Variants in SLC67A2 observed in about 807,000 individuals in gnomAD.
SLC67A2 encodes the protein solute carrier family 67 member 2.
the SLC67A2 span, among the ~76,000 whole-genome samples, chr2:102,721,619 T>C: frequency 2.6e-5 from 4 of 152,086 alleles, no homozygotes; most frequent in East Asian, 7.7e-4. Flanking sequence ...AGAAAGACAT[T>C]TTAAGCAACC....
At chr2:102,736,413 C>T in the SLC67A2 span, 1 of 1,159,240 alleles carries the variant, frequency 8.6e-7, no homozygotes, top group Non-Finnish European at 1.2e-6. Flanking sequence ...GAAGGGAAGA[C>T]GTTCCGCGAA....
the SLC67A2 span, among the ~76,000 whole-genome samples, chr2:102,728,753 C>T: frequency 1.3e-5 from 2 of 152,182 alleles, no homozygotes; most frequent in African/African-American, 2.4e-5. Context: ...CCACCATGAC[C>T]TCGGACATAT....
chr2:102,718,689 A>C, the SLC67A2 span: 11 of 1,614,030 alleles, frequency 6.8e-6, no homozygotes, highest in Non-Finnish European at 9.3e-6. Context: ...GCAGTGGAGA[A>C]GGACAGGAGA....
chr2:102,715,348 T>A, the SLC67A2 span, among the ~76,000 whole-genome samples: 481 of 152,226 alleles, frequency 3.2e-3, 6 homozygotes, highest in African/African-American at 0.011. Flanking sequence ...CACAGAAACA[T>A]CTGTGGTGCT....
the SLC67A2 span, among the ~76,000 whole-genome samples, chr2:102,721,456 A>C: frequency 6.6e-6 from 1 of 152,246 alleles, no homozygotes; most frequent in Non-Finnish European, 1.5e-5. Flanking sequence ...TAAGGAAATC[A>C]TCATGCAAAA....
At chr2:102,723,998 G>A in the SLC67A2 span, 3 of 1,097,562 alleles carry the variant, frequency 2.7e-6, no homozygotes, top group Non-Finnish European at 2.8e-6. Flanking sequence ...TATCCCTGAT[G>A]GAGTTCTGAT....
At chr2:102,728,871 G>A in the SLC67A2 span, among the ~76,000 whole-genome samples, 1 of 152,030 alleles carries the variant, frequency 6.6e-6, no homozygotes, top group East Asian at 1.9e-4. Flanking sequence ...AATATAAAAT[G>A]AGTCATTAAA....
the SLC67A2 span, chr2:102,718,627 C>T: frequency 6.2e-7 from 1 of 1,613,782 alleles, no homozygotes; most frequent in Admixed American, 1.7e-5. Flanking sequence ...TGCCGCTGGC[C>T]TGGGCCCCGC....
At chr2:102,735,377 T>C in the SLC67A2 span, among the ~76,000 whole-genome samples, 8 of 152,216 alleles carry the variant, frequency 5.3e-5, no homozygotes, top group Admixed American at 4.6e-4. Flanking sequence ...TGCTACCAAC[T>C]GAACGCCTTG....
chr2:102,735,479 G>T, the SLC67A2 span, among the ~76,000 whole-genome samples: 2 of 152,156 alleles, frequency 1.3e-5, no homozygotes, highest in Non-Finnish European at 2.9e-5. Context: ...CCCTGCCAGG[G>T]CCCAGTGCCA....
chr2:102,719,261 A>G, the SLC67A2 span: 1 of 1,535,004 alleles, frequency 6.5e-7, no homozygotes, highest in Non-Finnish European at 8.8e-7. Flanking sequence ...GAATCCATAC[A>G]CTACCTCCTT....
the SLC67A2 span, chr2:102,730,988 A>G: frequency 1.3e-6 from 2 of 1,594,978 alleles, no homozygotes; most frequent in Admixed American, 1.7e-5. Flanking sequence ...CAATTTTACT[A>G]CATCTGTGAT....
the SLC67A2 span, among the ~76,000 whole-genome samples, chr2:102,722,869 A>G: frequency 6.6e-6 from 1 of 152,240 alleles, no homozygotes; most frequent in African/African-American, 2.4e-5. Flanking sequence ...TAACCTGCAC[A>G]GTGGATACGA....
the SLC67A2 span, among the ~76,000 whole-genome samples, chr2:102,735,769 C>T: frequency 6.6e-6 from 1 of 152,008 alleles, no homozygotes; most frequent in South Asian, 2.1e-4. Flanking sequence ...TTCAGAAATG[C>T]CATGAATCAG....
the SLC67A2 span, chr2:102,736,862 G>A: frequency 1.9e-6 from 3 of 1,543,604 alleles, no homozygotes; most frequent in East Asian, 2.3e-5. Context: ...CCTACCCCGG[G>A]AGCCCAGCCC....
chr2:102,731,326 G>C, the SLC67A2 span, among the ~76,000 whole-genome samples: 1 of 152,006 alleles, frequency 6.6e-6, no homozygotes, highest in Non-Finnish European at 1.5e-5. Context: ...AAAGGCAAAA[G>C]GTGACGTTAT....
chr2:102,718,842 C>A, the SLC67A2 span: 1 of 1,613,956 alleles, frequency 6.2e-7, no homozygotes, highest in South Asian at 1.1e-5. Flanking sequence ...GCAAGGCCGG[C>A]CACGGCCCCC....
At chr2:102,718,520 G>C in the SLC67A2 span, 1 of 1,613,700 alleles carries the variant, frequency 6.2e-7, no homozygotes, top group East Asian at 2.2e-5. Context: ...GCCCAGGCTG[G>C]GGGGGCCGCA....
the SLC67A2 span, chr2:102,732,033 C>T: frequency 1.7e-5 from 9 of 542,036 alleles, no homozygotes; most frequent in East Asian, 4.5e-5. Context: ...CCCTTTTATA[C>T]ACACAGCCAG....
Sources: gnomAD v4.1 joint callset for allele counts (sites outside exome capture counted in the v4.1 genomes callset) on GRCh38, gnomAD v4.1.1 for gene constraint, MANE v1.5 for transcripts, NCBI Gene and HGNC (gene_info 2026-07-23, HGNC 2026-07-21) for gene names.